CSMD1: variants seen among roughly 807,000 people sequenced by gnomAD.
CSMD1 encodes CUB and Sushi multiple domains 1.
In CSMD1, 213 loss-of-function variants were observed where a neutral mutation model predicts 417.5. The observed-to-expected ratio is 0.51, with a 90% CI of 0.46 to 0.57. The LOEUF (loss-of-function observed/expected upper bound fraction) is 0.57. Ranked by LOEUF, CSMD1 falls within the 20% of genes least tolerant of loss-of-function variation. CSMD1 has a pLI of 0.00. For synonymous variants in CSMD1, 2,862 were observed against 1,736.8 expected, an observed-to-expected ratio of 1.65 and a Z score of -16.11; for missense variants, 6,923 against 4,529.7, an observed-to-expected ratio of 1.53 and a Z score of -15.17.
chr8:3,891,984 A>C (rs1339268739), intron 5 of CSMD1, among the ~76,000 whole-genome samples: 3 of 152,132 alleles, frequency 2.0e-5, no homozygotes, highest in Non-Finnish European at 4.4e-5. Flanking sequence ...GGCTACTTCA[A>C]TATTAGCACA....
chr8:4,031,568 G>A (rs1013268387), intron 4 of CSMD1, among the ~76,000 whole-genome samples: 2 of 152,158 alleles, frequency 1.3e-5, no homozygotes, highest in African/African-American at 4.8e-5. Context: ...TTTGGGTGAG[G>A]ACAGAGCTAA....
chr8:4,625,467 T>A (rs1164616747), intron 2 of CSMD1, among the ~76,000 whole-genome samples: 1 of 152,038 alleles, frequency 6.6e-6, no homozygotes, highest in Non-Finnish European at 1.5e-5. Context: ...AGCACAATCA[T>A]CGTAAATACT....
intron 57 of CSMD1, among the ~76,000 whole-genome samples, chr8:2,970,427 A>T (rs749004118): frequency 7.2e-5 from 11 of 152,204 alleles, no homozygotes; most frequent in Admixed American, 2.0e-4. Context: ...CACCAAGTTC[A>T]GGCTGCAAAC....
rs117783273 is a variant in CSMD1 at position 3,563,079 on chromosome 8, T to A, written c.1344+11866A>T. Among the ~76,000 whole-genome samples, 409 of 152,256 alleles carry A rather than the reference T, an allele frequency of 2.7e-3. 6 individuals carry two copies. In the East Asian group the frequency reaches 0.033, roughly 12 times the overall value. On this transcript the variant is annotated intron_variant, in intron 10 of 69. Coordinates refer to ENST00000635120, the MANE Select transcript of CSMD1 (RefSeq NM_033225.6). ...GTCATGATCTGGGTGGGAGGAATTA[T>A]ACAGGGTTGTAATTTTTCTTCATTT...
chr8:4,620,761 G>A (rs1413478402), intron 2 of CSMD1, among the ~76,000 whole-genome samples: 2 of 151,506 alleles, frequency 1.3e-5, no homozygotes, highest in African/African-American at 2.4e-5. Context: ...TTATATGGAG[G>A]GAAACATAGC....
chr8:3,875,116 C>G (rs1805729475), intron 5 of CSMD1, among the ~76,000 whole-genome samples: 1 of 140,432 alleles, frequency 7.1e-6, no homozygotes, highest in East Asian at 2.3e-4. Flanking sequence ...GCTTCAGGAA[C>G]ACATTGTGGG....
intron 5 of CSMD1, among the ~76,000 whole-genome samples, chr8:3,983,135 C>CTTTTTTTTTTTTTTTTTTTT (rs201667296): frequency 7.5e-6 from 1 of 133,514 alleles, no homozygotes; most frequent in African/African-American, 2.9e-5. Context: ...ATCTTTCTTT[C>CTTTTTTTTTTTTTTTTTTTT]TTTTTTTTTT....
chr8:3,520,295 C>G (rs968530051), intron 10 of CSMD1, among the ~76,000 whole-genome samples: 8 of 151,972 alleles, frequency 5.3e-5, no homozygotes, highest in African/African-American at 1.9e-4. Flanking sequence ...TCCTCTATTC[C>G]AAAATGTTGA....
intron 3 of CSMD1, among the ~76,000 whole-genome samples, chr8:4,073,436 T>C (rs1002811771): frequency 2.5e-4 from 38 of 152,156 alleles, no homozygotes; most frequent in Non-Finnish European, 2.4e-4. Context: ...CTATTTGTTA[T>C]TCTGTGCGAC....
rs1290286637 is a variant in CSMD1 at position 4,787,929 on chromosome 8, G to T, written c.86-150371C>A. ...TAACCACAAAGAAATTGTTCTTGCT[G>T]ATGTAATTGACAATGATTCCTGGAG... is the stretch of plus-strand genomic sequence containing the variant. On this transcript the variant is annotated intron_variant, in intron 1 of 69. Transcript: ENST00000635120. 3 of 1,592,234 alleles carry T rather than the reference G, an allele frequency of 1.9e-6. No homozygotes were observed. The African/African-American group carries it at 4.0e-5, about 21-fold the overall frequency.
intron 3 of CSMD1, among the ~76,000 whole-genome samples, chr8:4,306,764 G>A (rs923802620): frequency 1.3e-5 from 2 of 152,042 alleles, no homozygotes; most frequent in Non-Finnish European, 2.9e-5. Context: ...GTGTTCTGGT[G>A]CGAGTCCACA....
chr8:4,317,368 T>G (rs1367938342), intron 3 of CSMD1, among the ~76,000 whole-genome samples: 1 of 152,194 alleles, frequency 6.6e-6, no homozygotes, highest in Non-Finnish European at 1.5e-5. Context: ...TTATAAGCTG[T>G]GGCTCTTTCA....
chr8:2,977,159 T>C (rs1488480002), intron 55 of CSMD1, among the ~76,000 whole-genome samples: 1 of 152,182 alleles, frequency 6.6e-6, no homozygotes, highest in Non-Finnish European at 1.5e-5. Context: ...GTAGGTTTGT[T>C]ACGCAGGGAA....
intron 7 of CSMD1, among the ~76,000 whole-genome samples, chr8:3,662,117 C>T (rs368591438): frequency 6.6e-6 from 1 of 152,036 alleles, no homozygotes; most frequent in Non-Finnish European, 1.5e-5. Flanking sequence ...TAGTGGAACA[C>T]CAGGATGTTT....
chr8:4,093,490 T>C (rs1219600615), intron 3 of CSMD1, among the ~76,000 whole-genome samples: 2 of 152,230 alleles, frequency 1.3e-5, no homozygotes, highest in Non-Finnish European at 2.9e-5. Flanking sequence ...TACATAGATG[T>C]TATGTTAGCT....
chr8:2,941,361 T>C (rs1427455497), intron 69 of CSMD1, among the ~76,000 whole-genome samples: 1 of 152,226 alleles, frequency 6.6e-6, no homozygotes, highest in African/African-American at 2.4e-5. Flanking sequence ...AGTTTTTCTG[T>C]TTTAACCAGA....
chr8:3,025,762 T>A (rs1271318136), intron 51 of CSMD1, among the ~76,000 whole-genome samples: 1 of 152,252 alleles, frequency 6.6e-6, no homozygotes, highest in Non-Finnish European at 1.5e-5. Context: ...ATTCTTCACA[T>A]TAATTTTTGC....
At chr8:2,967,360 C>A (rs1325994810) in intron 57 of CSMD1, among the ~76,000 whole-genome samples, 1 of 152,188 alleles carries the variant, frequency 6.6e-6, no homozygotes, top group Non-Finnish European at 1.5e-5. Context: ...TTGAACTTTA[C>A]ATTTCTCTCA....
intron 8 of CSMD1, among the ~76,000 whole-genome samples, chr8:3,601,742 C>A (rs1314030547): frequency 3.3e-5 from 5 of 152,170 alleles, no homozygotes; most frequent in African/African-American, 1.2e-4. Flanking sequence ...TGAATAACAA[C>A]CAGTGCATTG....
Sources: gnomAD v4.1 joint callset for allele counts (sites outside exome capture counted in the v4.1 genomes callset) on GRCh38, gnomAD v4.1.1 for gene constraint, MANE v1.5 for transcripts, NCBI Gene and HGNC (gene_info 2026-07-23, HGNC 2026-07-21) for gene names.